The following SHOC2 variants were observed in gnomAD, a reference collection of about 807,000 sequenced individuals.
SHOC2 encodes SHOC2 leucine rich repeat scaffold protein.
SHOC2 carries 4 observed loss-of-function variants against 50.2 expected under a neutral mutation model. The ratio of observed to expected loss-of-function variants is 0.08; its 90% confidence interval spans 0.04 to 0.18. The LOEUF (loss-of-function observed/expected upper bound fraction) is 0.18, where lower values mean the gene tolerates loss of function less well. Ranked by LOEUF, SHOC2 falls within the 10% of genes least tolerant of loss-of-function variation. The probability of loss-of-function intolerance (pLI) is 1.00; values close to 1 mark genes in which losing one functional copy is unlikely to be tolerated. For missense variants in SHOC2, 388 were observed against 669.6 expected (o/e 0.58, Z 4.64); for synonymous variants, 218 against 244.5 (o/e 0.89, Z 1.01).
intron 1 of SHOC2, among the ~76,000 whole-genome samples, chr10:110,945,456 TAATG>T (rs1847229234): frequency 6.6e-6 from 1 of 152,216 alleles, no homozygotes; most frequent in Admixed American, 6.5e-5. Flanking sequence ...TCATCATTCT[TAATG>T]AGATTGAGCT....
At chr10:110,944,760 C>T (rs904565022) in intron 1 of SHOC2, among the ~76,000 whole-genome samples, 1 of 152,184 alleles carries the variant, frequency 6.6e-6, no homozygotes, top group African/African-American at 2.4e-5. Flanking sequence ...GTGACTACCT[C>T]AGTAGATAAT....
intron 2 of SHOC2, among the ~76,000 whole-genome samples, chr10:110,974,887 A>G (rs1847847683): frequency 6.6e-6 from 1 of 152,164 alleles, no homozygotes; most frequent in South Asian, 2.1e-4. Flanking sequence ...TTTTGCTTTA[A>G]GGTTTAAATT....
chr10:110,937,542 T>C (rs1008765237), intron 1 of SHOC2, among the ~76,000 whole-genome samples: 12 of 152,232 alleles, frequency 7.9e-5, no homozygotes, highest in African/African-American at 2.9e-4. Context: ...TTTGTGTTTC[T>C]GTTTCTCACT....
chr10:110,981,553 A>G (rs1009970249), intron 2 of SHOC2, among the ~76,000 whole-genome samples: 1 of 152,314 alleles, frequency 6.6e-6, no homozygotes, highest in East Asian at 1.9e-4. Flanking sequence ...TTTATGTGTT[A>G]GATTGGAAAC....
intron 1 of SHOC2, among the ~76,000 whole-genome samples, chr10:110,943,257 C>CTTTTTTTTTTTTT (rs544078658): frequency 7.0e-6 from 1 of 143,194 alleles, no homozygotes. Flanking sequence ...TTTCTTTATT[C>CTTTTTTTTTTTTT]TTTTTTTTTT....
chr10:110,931,370 T>C (rs1386998878), intron 1 of SHOC2, among the ~76,000 whole-genome samples: 1 of 152,184 alleles, frequency 6.6e-6, no homozygotes, highest in African/African-American at 2.4e-5. Flanking sequence ...CTTTTGAGCA[T>C]GTTAATTGTG....
chr10:110,921,963 T>C (rs1003994145), intron 1 of SHOC2, among the ~76,000 whole-genome samples: 14 of 152,074 alleles, frequency 9.2e-5, no homozygotes, highest in African/African-American at 2.9e-4. Context: ...AGTTTGCAGC[T>C]AGATCTTTTT....
rs150973382 is a variant in SHOC2 at position 110,935,125 on chromosome 10, A to G, written c.-235+15468A>G. Reference sequence around the variant, plus strand: ...ACAGTTCACTTTTTCTCACTTAACTATAATAATATCTAACACTTACGTAGT... The same window carrying G: ...ACAGTTCACTTTTTCTCACTTAACTGTAATAATATCTAACACTTACGTAGT... On this transcript the variant is annotated intron_variant, in intron 1 of 8. Transcript: ENST00000369452. Among the ~76,000 whole-genome samples the G allele has an allele frequency of 6.0e-3, 918 of 152,318 alleles. 12 individuals carry two copies. The highest frequency in any genetic ancestry group is 0.02 in the African/African-American group (832 of 41,582).
At chr10:111,000,959 C>A (rs747265501) in intron 4 of SHOC2, among the ~76,000 whole-genome samples, 5 of 151,538 alleles carry the variant, frequency 3.3e-5, no homozygotes, top group Non-Finnish European at 7.4e-5. Context: ...AATGCACTAT[C>A]ATCAAAATTA....
rs57182494 is a variant in SHOC2, at chr10:110,941,472, C to A, written c.-235+21815C>A. On this transcript the variant is annotated intron_variant, in intron 1 of 8. Transcript: ENST00000369452. ...TCAGCCTCCCGGGTAGCTGGGATTACAGGTATGTGCCACCATGCCTGGCTA... is the reference window on the plus strand; with the variant it reads ...TCAGCCTCCCGGGTAGCTGGGATTAAAGGTATGTGCCACCATGCCTGGCTA... Among the ~76,000 whole-genome samples, 775 of 152,146 alleles carry A rather than the reference C, an allele frequency of 5.1e-3. 6 individuals are homozygous for A. Among genetic ancestry groups the A allele is most frequent in the African/African-American group, 0.017 (709 of 41,506 alleles).
At chr10:110,943,594 G>C (rs918359910) in intron 1 of SHOC2, among the ~76,000 whole-genome samples, 2 of 152,098 alleles carry the variant, frequency 1.3e-5, no homozygotes, top group Non-Finnish European at 2.9e-5. Context: ...AGTGAACATG[G>C]GCTATCATGA....
chr10:110,996,820 A>G (rs915825638), intron 3 of SHOC2, among the ~76,000 whole-genome samples: 1 of 152,182 alleles, frequency 6.6e-6, no homozygotes, highest in Non-Finnish European at 1.5e-5. Flanking sequence ...CTGACAGTGG[A>G]TAACTCACTA....
chr10:110,966,429 T>G (rs1477529820), intron 2 of SHOC2, among the ~76,000 whole-genome samples: 10 of 152,098 alleles, frequency 6.6e-5, no homozygotes, highest in Admixed American at 6.5e-4. Flanking sequence ...TATGGCTCAT[T>G]GTGGAATAGA....
At chr10:110,947,691 A>G (rs777133249) in intron 1 of SHOC2, among the ~76,000 whole-genome samples, 1 of 152,112 alleles carries the variant, frequency 6.6e-6, no homozygotes, top group Non-Finnish European at 1.5e-5. Flanking sequence ...TTATAACTAC[A>G]AGATGTCTTA....
rs199946588 is a variant in SHOC2, at chr10:110,973,673, G to GT, written c.703+8620dup. ...ATCAGCCATACAGTCTGGGACTAGG[G>GT]TTTTTTTTGTGTGTATGGACAAGTT... On this transcript the variant is annotated intron_variant, in intron 2 of 8. Coordinates refer to ENST00000369452, the MANE Select transcript of SHOC2 (RefSeq NM_007373.4). 2.9e-3 allele frequency among the ~76,000 whole-genome samples: 442 copies of GT among 151,496 alleles called. 10 individuals are homozygous for GT. The highest frequency in any genetic ancestry group is 0.026 in the East Asian group (132 of 5,166).
intron 1 of SHOC2, among the ~76,000 whole-genome samples, chr10:110,925,577 C>A (rs1846754449): frequency 6.6e-6 from 1 of 152,168 alleles, no homozygotes; most frequent in Non-Finnish European, 1.5e-5. Context: ...CCCACTTTAA[C>A]CTCTCGTGTA....
intron 2 of SHOC2, among the ~76,000 whole-genome samples, chr10:110,966,725 G>A (rs1311689635): frequency 6.6e-6 from 1 of 152,008 alleles, no homozygotes; most frequent in East Asian, 1.9e-4. Context: ...TATATTTGTG[G>A]CTACCTAATC....
chr10:111,000,681 C>A, intron 4 of SHOC2, 136 bp downstream of exon 4: 1 of 753,496 alleles, frequency 1.3e-6, no homozygotes, highest in Non-Finnish European at 2.3e-6. Context: ...TGTGAATGTA[C>A]CACCACCGCT....
intron 3 of SHOC2, among the ~76,000 whole-genome samples, chr10:110,995,456 A>G (rs1224684581): frequency 6.6e-6 from 1 of 152,236 alleles, no homozygotes; most frequent in Non-Finnish European, 1.5e-5. Context: ...CAGTGAGGAC[A>G]GTCAAACAGC....
Sources: allele counts gnomAD v4.1 joint callset (sites outside exome capture counted in the v4.1 genomes callset), GRCh38; gene constraint gnomAD v4.1.1; transcripts MANE v1.5; gene names NCBI Gene and HGNC (gene_info 2026-07-23, HGNC 2026-07-21).